Variants in CPXM2 observed in about 807,000 individuals in gnomAD.
The protein encoded by CPXM2 is inactive carboxypeptidase-like protein X2.
CPXM2 carries 66 observed loss-of-function variants against 86.1 expected under a neutral mutation model. The observed-to-expected ratio is 0.77, with a 90% CI of 0.63 to 0.94. CPXM2 has a LOEUF of 0.94. Ranked by LOEUF, CPXM2 falls within the 40% of genes least tolerant of loss-of-function variation. The pLI is 0.00. For missense variants in CPXM2, 948 were observed against 1,026.3 expected (o/e 0.92, Z 1.04); for synonymous variants, 388 against 400.2 (o/e 0.97, Z 0.36).
intron 2 of CPXM2, among the ~76,000 whole-genome samples, chr10:123,936,830 A>C (rs1945725351): frequency 6.6e-6 from 1 of 151,632 alleles, no homozygotes; most frequent in African/African-American, 2.4e-5. Context: ...TGCCTTCCTC[A>C]TCTTCCTCTT....
chr10:123,928,767 C>G (rs965816608), intron 2 of CPXM2, among the ~76,000 whole-genome samples: 1 of 152,228 alleles, frequency 6.6e-6, no homozygotes, highest in African/African-American at 2.4e-5. Context: ...TGACTCCATC[C>G]CACAGCCATT....
chr10:123,768,769 AG>A, intron 8 of CPXM2, 47 bp from the exon 9 acceptor site: 4 of 1,535,826 alleles, frequency 2.6e-6, no homozygotes, highest in Non-Finnish European at 3.6e-6. Flanking sequence ...TGAAACACTT[AG>A]GGCCAAACGG....
intron 4 of CPXM2, among the ~76,000 whole-genome samples, chr10:123,811,961 A>G (rs998130539): frequency 2.0e-5 from 3 of 152,254 alleles, no homozygotes; most frequent in African/African-American, 7.2e-5. Context: ...ATGTTTCACA[A>G]TAAAAACCTT....
At chr10:123,888,022 T>A (rs1490153673) in intron 1 of CPXM2, among the ~76,000 whole-genome samples, 2 of 152,192 alleles carry the variant, frequency 1.3e-5, no homozygotes, top group Non-Finnish European at 1.5e-5. Flanking sequence ...TCTCCAAGCA[T>A]CTCCATGAAT....
intron 4 of CPXM2, among the ~76,000 whole-genome samples, chr10:123,799,556 C>T (rs1326533465): frequency 1.3e-5 from 2 of 152,194 alleles, no homozygotes. Context: ...CACTGAACAC[C>T]TACATCACAC....
At chr10:123,878,939 G>T (rs1447404678) in intron 2 of CPXM2, among the ~76,000 whole-genome samples, 1 of 151,976 alleles carries the variant, frequency 6.6e-6, no homozygotes, top group South Asian at 2.1e-4. Flanking sequence ...ATCTAGAGAC[G>T]ACCCCAAAGC....
chr10:123,926,553 A>G (rs752974334), intron 2 of CPXM2, among the ~76,000 whole-genome samples: 7 of 152,200 alleles, frequency 4.6e-5, no homozygotes, highest in African/African-American at 1.4e-4. Flanking sequence ...TTTTAAAACT[A>G]TTCACTTTCC....
At chr10:123,908,354 C>G (rs906821797) in intron 2 of CPXM2, among the ~76,000 whole-genome samples, 5 of 152,180 alleles carry the variant, frequency 3.3e-5, no homozygotes, top group Non-Finnish European at 7.3e-5. Context: ...TGACAAGAGA[C>G]TCTCTGCTAA....
intron 4 of CPXM2, among the ~76,000 whole-genome samples, chr10:123,836,024 C>T (rs1448300311): frequency 1.3e-5 from 2 of 152,262 alleles, no homozygotes; most frequent in East Asian, 1.9e-4. Flanking sequence ...TTTGCCTCTG[C>T]CCTTCTCACC....
At chr10:123,856,608 T>C (rs980804297) in intron 3 of CPXM2, among the ~76,000 whole-genome samples, 1 of 152,148 alleles carries the variant, frequency 6.6e-6, no homozygotes, top group Non-Finnish European at 1.5e-5. Context: ...TTGTTTTTTT[T>C]TGAGACAGAG....
At chr10:123,781,633 G>C (rs1001797579) in intron 6 of CPXM2, among the ~76,000 whole-genome samples, 2 of 152,188 alleles carry the variant, frequency 1.3e-5, no homozygotes, top group Non-Finnish European at 2.9e-5. Context: ...GGGGGCAGTA[G>C]GGGGCCGAAC....
intron 1 of CPXM2, among the ~76,000 whole-genome samples, chr10:123,884,736 C>G (rs1324809776): frequency 6.6e-6 from 1 of 152,230 alleles, no homozygotes; most frequent in Non-Finnish European, 1.5e-5. Flanking sequence ...CTCTTTCTCT[C>G]TCTGTCTCTC....
intron 2 of CPXM2, 66 bp downstream of exon 2, chr10:123,880,145 T>TGGGGGGCCCCCCCCCC: frequency 2.5e-6 from 1 of 407,578 alleles, no homozygotes; most frequent in South Asian, 2.7e-5. Context: ...CAGGGGCCTG[T>TGGGGGGCCCCCCCCCC]ACCCACCCAC....
chr10:123,753,238 C>T (rs1846122328), intron 13 of CPXM2, among the ~76,000 whole-genome samples: 1 of 152,178 alleles, frequency 6.6e-6, no homozygotes, highest in Non-Finnish European at 1.5e-5. Context: ...ACAGTCAGCC[C>T]TGTTTGCCTA....
rs144388034 is a variant in CPXM2, at chr10:123,865,765, C to T, written c.404-3042G>A. ...AGGGTGAACACAGCTCAGGCAGGCT[C>T]GCCCAGCTTCTGAGTTATGGGTTCT... On this transcript the variant is annotated intron_variant, in intron 2 of 13. Transcript: ENST00000241305. This position sits in a 1 kb window ranked among gnomAD's most constrained non-coding sequence, Gnocchi z 4.7. 6.6e-6 allele frequency among the ~76,000 whole-genome samples: 1 copy of T among 152,298 alleles called. No individual in the cohort carries two copies. Among genetic ancestry groups the T allele is most frequent in the African/African-American group, 2.4e-5 (1 of 41,568 alleles).
chr10:123,794,775 G>C (rs75375295), intron 6 of CPXM2, among the ~76,000 whole-genome samples: 4,236 of 151,254 alleles, frequency 0.028, 98 homozygotes, highest in East Asian at 0.073. Flanking sequence ...GTGTGCGCAT[G>C]TGTGTGTGTA....
intron 3 of CPXM2, chr10:123,843,195 T>G (rs1289766923): frequency 4.7e-6 from 2 of 421,234 alleles, no homozygotes; most frequent in East Asian, 7.5e-5. Flanking sequence ...TAAATGACCC[T>G]CCCTCCTCGG....
At chr10:123,927,917 T>C (rs1945638146) in intron 2 of CPXM2, among the ~76,000 whole-genome samples, 1 of 152,208 alleles carries the variant, frequency 6.6e-6, no homozygotes, top group Admixed American at 6.5e-5. Context: ...TGGGGGTAGG[T>C]ACCAGGCACT....
chr10:123,835,960 G>C (rs1848271137), intron 4 of CPXM2, among the ~76,000 whole-genome samples: 1 of 152,124 alleles, frequency 6.6e-6, no homozygotes, highest in African/African-American at 2.4e-5. Context: ...GAGGTGTTTG[G>C]GGAGGCTCGG....
Sources: allele counts gnomAD v4.1 joint callset (sites outside exome capture counted in the v4.1 genomes callset), GRCh38; gene constraint gnomAD v4.1.1; non-coding constraint Gnocchi (gnomAD v3.1); transcripts MANE v1.5; gene names NCBI Gene and HGNC (gene_info 2026-07-23, HGNC 2026-07-21).